Variants in DIP2C observed in about 807,000 individuals in gnomAD.
The protein encoded by DIP2C is disco-interacting protein 2 homolog C.
In DIP2C, 33 loss-of-function variants were observed where a neutral mutation model predicts 192.4. The ratio of observed to expected loss-of-function variants is 0.17; its 90% CI spans 0.13 to 0.23. DIP2C has a LOEUF of 0.23. Among genes scored for constraint, DIP2C ranks in the 10% least tolerant of loss-of-function variants. The pLI, the probability that DIP2C is intolerant of heterozygous loss-of-function variation, is 1.00. For synonymous variants in DIP2C, 979 were observed against 864.1 expected (o/e 1.13, Z -2.33); for missense variants, 1,537 against 2,110.1 (o/e 0.73, Z 5.32).
chr10:679,875 C>T (rs1449381300), intron 1 of DIP2C, among the ~76,000 whole-genome samples: 1 of 152,306 alleles, frequency 6.6e-6, no homozygotes, highest in African/African-American at 2.4e-5. Context: ...CACCTGGAAT[C>T]GCCTGGATAA....
chr10:438,163 A>G (rs1042622583), intron 4 of DIP2C, among the ~76,000 whole-genome samples: 6 of 152,334 alleles, frequency 3.9e-5, no homozygotes, highest in Middle Eastern at 3.4e-3. Context: ...ATTCTTTTGC[A>G]TTTTGCAAAG....
intron 18 of DIP2C, among the ~76,000 whole-genome samples, chr10:367,290 G>A (rs912547532): frequency 1.1e-4 from 16 of 151,870 alleles, no homozygotes; most frequent in South Asian, 2.1e-4. Context: ...AGTGGCGGGC[G>A]CCTGTAGTCC....
intron 1 of DIP2C, among the ~76,000 whole-genome samples, chr10:539,780 T>C (rs1451204080): frequency 6.6e-6 from 1 of 152,250 alleles, no homozygotes; most frequent in Non-Finnish European, 1.5e-5. Context: ...ATCACACTCA[T>C]ACTGTAAGCT....
In DIP2C at chr10:570,993, C is replaced by T. The variant is rs561369040; in HGVS notation, c.86-84463G>A. On this transcript the variant is annotated intron_variant, in intron 1 of 36. Transcript: ENST00000280886. ...ACCGGAGCCCCGGCAGCAAGAGCCC[C>T]GCAGGCTTCCCAGCGCCCTGGGCTG... Among the ~76,000 whole-genome samples the T allele has an allele frequency of 1.1e-3, 160 of 152,340 alleles. 1 individual carries two copies. The highest frequency in any genetic ancestry group is 2.5e-3 in the Admixed American group (38 of 15,310).
intron 31 of DIP2C, chr10:325,101 T>TA (rs1173278041): frequency 8.7e-5 from 32 of 368,092 alleles, no homozygotes; most frequent in Non-Finnish European, 1.6e-4. Flanking sequence ...CCATCTCTAC[T>TA]AAAAATACAA....
intron 31 of DIP2C, among the ~76,000 whole-genome samples, chr10:321,302 G>C (rs1443537086): frequency 6.6e-6 from 1 of 152,238 alleles, no homozygotes; most frequent in East Asian, 1.9e-4. Flanking sequence ...TTGAAATCCT[G>C]CAGTCATAAC....
chr10:431,830 TTA>T (rs1966859068), intron 4 of DIP2C, among the ~76,000 whole-genome samples: 2 of 152,238 alleles, frequency 1.3e-5, no homozygotes, highest in African/African-American at 2.4e-5. Context: ...TTTCCGGATC[TTA>T]GTGGGAAAAA....
chr10:439,409 T>C, intron 4 of DIP2C, among the ~76,000 whole-genome samples: 1 of 126,820 alleles, frequency 7.9e-6, no homozygotes, highest in Non-Finnish European at 1.5e-5. Flanking sequence ...AGATCACGCA[T>C]GTGTAAATGA....
At chr10:556,423 CAG>C (rs199699135) in intron 1 of DIP2C, among the ~76,000 whole-genome samples, 2,172 of 135,522 alleles carry the variant, frequency 0.016, 90 homozygotes, top group African/African-American at 0.059. Flanking sequence ...ACTCGGACCT[CAG>C]AGTGTCATCA....
intron 1 of DIP2C, among the ~76,000 whole-genome samples, chr10:681,160 T>C (rs547619752): frequency 1.3e-5 from 2 of 152,060 alleles, no homozygotes; most frequent in Non-Finnish European, 1.5e-5. Context: ...AGCCACCACC[T>C]GTGGCCACAG....
At chr10:594,962 G>C (rs1015868770) in intron 1 of DIP2C, among the ~76,000 whole-genome samples, 1 of 152,190 alleles carries the variant, frequency 6.6e-6, no homozygotes, top group Non-Finnish European at 1.5e-5. Flanking sequence ...AGGGAGAGGA[G>C]ACAGAACACG....
chr10:568,568 C>G (rs1267755006), intron 1 of DIP2C, among the ~76,000 whole-genome samples: 1 of 151,952 alleles, frequency 6.6e-6, no homozygotes, highest in East Asian at 1.9e-4. Context: ...GAGATCGAGA[C>G]CATCCTGGCT....
chr10:306,396 G>A (rs1490308947), intron 32 of DIP2C, among the ~76,000 whole-genome samples: 2 of 152,130 alleles, frequency 1.3e-5, no homozygotes, highest in African/African-American at 2.4e-5. Flanking sequence ...TCTGTAGGCC[G>A]TCTTTCTTGT....
At position 277,249 on chromosome 10, in the gene DIP2C, G is replaced by T; in HGVS notation, c.*76C>A. On this transcript the variant is annotated 3_prime_UTR_variant, in exon 37 of 37. Coordinates refer to ENST00000280886, the MANE Select transcript of DIP2C (RefSeq NM_014974.3). ...GCTGTATTCTGGTGAGTGTTGCCCT[G>T]TGTCTGCACGCTTCAGTGGACACGG... The T allele has an allele frequency of 6.4e-7, 1 of 1,569,474 alleles. No homozygotes were observed.
intron 2 of DIP2C, among the ~76,000 whole-genome samples, chr10:480,890 C>T (rs562595917): frequency 2.0e-5 from 3 of 152,188 alleles, no homozygotes; most frequent in Non-Finnish European, 4.4e-5. Flanking sequence ...GAAAGATTCA[C>T]GCTATGTCAC....
chr10:522,338 T>C (rs1017036516), intron 1 of DIP2C, among the ~76,000 whole-genome samples: 3 of 152,246 alleles, frequency 2.0e-5, no homozygotes, highest in African/African-American at 7.2e-5. Flanking sequence ...GAAGGGCATC[T>C]TGGTTGCTTT....
rs780828234 is a variant in DIP2C at position 486,499 on chromosome 10, C to T, written c.117G>A (p.Lys39=). ...GGTAGGCTCCAATTAACTTTGACCT[C>T]TTCTTTTCATATCCTTTTTGTGTGA... ...GDITQKGYEK[K]RSKLIGAYLP... is the part of the protein sequence containing the mutation. The change falls in exon 2 of 37, where the codon AAG becomes AAA. Residue 39 remains lysine, a synonymous_variant. Transcript: ENST00000280886. 1 of 1,606,072 alleles carries T rather than the reference C, an allele frequency of 6.2e-7. No homozygotes were observed. The highest frequency in any genetic ancestry group is 2.3e-5 in the East Asian group (1 of 44,314).
intron 1 of DIP2C, among the ~76,000 whole-genome samples, chr10:683,560 C>T (rs1044389860): frequency 1.3e-4 from 20 of 152,178 alleles, no homozygotes; most frequent in African/African-American, 4.8e-4. Context: ...CCAAAGGGCG[C>T]CATAGACGTT....
chr10:612,172 A>T (rs1183727073), intron 1 of DIP2C, among the ~76,000 whole-genome samples: 2 of 152,022 alleles, frequency 1.3e-5, no homozygotes, highest in Non-Finnish European at 2.9e-5. Context: ...GGGCACTTAT[A>T]ATCCCAGCTA....
Sources: gnomAD v4.1 joint callset for allele counts (sites outside exome capture counted in the v4.1 genomes callset) on GRCh38, gnomAD v4.1.1 for gene constraint, MANE v1.5 for transcripts, NCBI Gene and HGNC (gene_info 2026-07-23, HGNC 2026-07-21) for gene names.